Variants in AHRR observed in about 807,000 individuals in gnomAD.
AHRR encodes aryl hydrocarbon receptor repressor, also known as ahR repressor.
A neutral mutation model predicts 44.0 loss-of-function variants in AHRR; 28 were observed. The observed-to-expected ratio is 0.64, with a 90% confidence interval of 0.47 to 0.87. AHRR has a LOEUF of 0.87. Among genes scored for constraint, AHRR ranks in the 40% least tolerant of loss-of-function variants. The pLI is 0.00. For missense variants in AHRR, 990 were observed against 953.9 expected, an observed-to-expected ratio of 1.04 and a Z score of -0.50; for synonymous variants, 434 against 407.0, an observed-to-expected ratio of 1.07 and a Z score of -0.80.
chr5:403,544 G>GC (rs1735116858), intron 4 of AHRR, among the ~76,000 whole-genome samples: 1 of 151,310 alleles, frequency 6.6e-6, no homozygotes, highest in Non-Finnish European at 1.5e-5. Flanking sequence ...GCTGCAGCAG[G>GC]AGAACTGCTT....
chr5:354,801 G>T (rs758645343), intron 3 of AHRR, among the ~76,000 whole-genome samples: 1 of 152,210 alleles, frequency 6.6e-6, no homozygotes, highest in Non-Finnish European at 1.5e-5. Context: ...GGCGGGGGGC[G>T]TCTGTCTCAG....
chr5:434,979 T>C lies in AHRR; in HGVS notation c.*145T>C. On this transcript the variant is annotated 3_prime_UTR_variant, in exon 11 of 11. Transcript: ENST00000684583. ...TGCATGCGCAGTCTGCTAGTGTGTGTGTGCAGCATACGCAGGAGCCTATCC... is the reference window on the plus strand; with the variant it reads ...TGCATGCGCAGTCTGCTAGTGTGTGCGTGCAGCATACGCAGGAGCCTATCC... 1 of 1,190,540 alleles carries C rather than the reference T, an allele frequency of 8.4e-7. No individual in the cohort carries two copies. The highest frequency in any genetic ancestry group is 1.5e-5 in the African/African-American group (1 of 64,970). The allele number at this position is 1,190,540 out of a possible 1,614,324, so 73.7% of individuals were successfully genotyped here.
chr5:354,377 G>C (rs576280181), intron 3 of AHRR, among the ~76,000 whole-genome samples: 1 of 152,316 alleles, frequency 6.6e-6, no homozygotes, highest in Admixed American at 6.5e-5. Context: ...GGACCCGGGG[G>C]CTGCCCTGGG....
intron 7 of AHRR, among the ~76,000 whole-genome samples, chr5:424,390 T>TG (rs1213903459): frequency 1.1e-5 from 1 of 91,880 alleles, no homozygotes; most frequent in East Asian, 2.9e-4. Flanking sequence ...GTGTCCCTGG[T>TG]GGGGGGGCGA....
Position 431,052 on chromosome 5 carries a change from C to T in AHRR, c.909-1411C>T, listed in dbSNP as rs1199424596. 3.9e-5 allele frequency among the ~76,000 whole-genome samples: 6 copies of T among 152,336 alleles called. No homozygotes were observed. The South Asian group carries it at 6.2e-4, about 16-fold the overall frequency. Reference sequence around the variant, plus strand: ...AACACTGTCCTCCGCTTACCGTCACCGTGGAGTTTCCACTGCACATGGCAA... The same window carrying T: ...AACACTGTCCTCCGCTTACCGTCACTGTGGAGTTTCCACTGCACATGGCAA... On this transcript the variant is annotated intron_variant, in intron 8 of 10. Coordinates refer to ENST00000684583, the MANE Select transcript of AHRR (RefSeq NM_001377236.1).
At chr5:369,454 T>A (rs1743489458) in intron 3 of AHRR, among the ~76,000 whole-genome samples, 2 of 152,360 alleles carry the variant, frequency 1.3e-5, no homozygotes, top group South Asian at 4.1e-4. Context: ...CACATGCTCC[T>A]TGCAGATGAA....
At position 387,220 on chromosome 5, in the gene AHRR, G is replaced by A. The variant is rs137925973; in HGVS notation, c.351+10504G>A. Among the ~76,000 whole-genome samples the A allele has an allele frequency of 3.1e-4, 47 of 152,320 alleles. No homozygotes were observed. Among genetic ancestry groups the A allele is most frequent in the African/African-American group, 1.0e-3 (43 of 41,570 alleles). On this transcript the variant is annotated intron_variant, in intron 4 of 10. Transcript: ENST00000684583. The surrounding 1 kb of genome is among the most constrained non-coding windows in gnomAD (Gnocchi z 5.1). Reference sequence around the variant, plus strand: ...CACGTGTCAGTTCGTACACAGAAGCGGGGTCCTGTCTCCTGCTCTCTCCTC... The same window carrying A: ...CACGTGTCAGTTCGTACACAGAAGCAGGGTCCTGTCTCCTGCTCTCTCCTC...
intron 1 of AHRR, among the ~76,000 whole-genome samples, chr5:340,377 G>A (rs1233700856): frequency 6.6e-6 from 1 of 151,806 alleles, no homozygotes; most frequent in Non-Finnish European, 1.5e-5. Flanking sequence ...ACACTGTTCT[G>A]GAGGCTGGGA....
At chr5:345,926 G>A (rs567529752) in intron 2 of AHRR, among the ~76,000 whole-genome samples, 1 of 152,252 alleles carries the variant, frequency 6.6e-6, no homozygotes, top group South Asian at 2.1e-4. Context: ...CCCGCAGGGA[G>A]ACCTTACCTT....
intron 3 of AHRR, among the ~76,000 whole-genome samples, chr5:363,807 C>G (rs921959297): frequency 6.6e-6 from 1 of 152,154 alleles, no homozygotes; most frequent in Non-Finnish European, 1.5e-5. Flanking sequence ...GAGAGCACTG[C>G]CCCCCTCTCC....
At position 434,171 on chromosome 5, in the gene AHRR, C is replaced by T. The variant is rs1736878943; in HGVS notation, c.1431C>T (p.His477=). Residue 477 remains histidine, a synonymous_variant, in exon 11 of 11, where the codon CAC becomes CAT. Transcript: ENST00000684583. ...GGGATGTCGGTGAGGACCAGGTGCA[C>T]CCTCCCCTCTGCCACTTTCCCCAGA... ...PMRDVGEDQV[H]PPLCHFPQRS... 1.2e-6 allele frequency: 2 copies of T among 1,600,576 alleles called. No homozygotes were observed. Among genetic ancestry groups the T allele is most frequent in the African/African-American group, 1.3e-5 (1 of 74,720 alleles).
Position 413,445 on chromosome 5 carries a change from C to T in AHRR, c.441+12C>T. On this transcript the variant is annotated intron_variant, in intron 5 of 10. Transcript: ENST00000684583. ...TGGGCTTCCATCAGGTAAATGAAAC[C>T]AGAATAGCCCTCCAGTCTGTTAAGT... 2 of 1,579,182 alleles carry T rather than the reference C, an allele frequency of 1.3e-6. No individual in the cohort carries two copies. The highest frequency in any genetic ancestry group is 8.7e-7 in the Non-Finnish European group (1 of 1,152,240).
Position 404,833 on chromosome 5 carries a change from T to A in AHRR, c.352-8511T>A, listed in dbSNP as rs990417187. On this transcript the variant is annotated intron_variant, in intron 4 of 10. Coordinates refer to ENST00000684583, the MANE Select transcript of AHRR (RefSeq NM_001377236.1). The surrounding 1 kb of genome is among the most constrained non-coding windows in gnomAD (Gnocchi z 4.1). ...GGACATGGTGAGATGATTATCCAGC[T>A]TGCTAATCTGCCAGCGGGCACCACC... 1.3e-5 allele frequency among the ~76,000 whole-genome samples: 2 copies of A among 152,320 alleles called. No individual in the cohort carries two copies. The highest frequency in any genetic ancestry group is 4.1e-4 in the South Asian group (2 of 4,822).
At chr5:344,111 G>C in intron 2 of AHRR, 147 bp downstream of exon 2, 1 of 796,382 alleles carries the variant, frequency 1.3e-6, no homozygotes, top group African/African-American at 1.9e-5. Flanking sequence ...TCCGGCGCGG[G>C]CGGCGCAGGA....
At chr5:350,071 G>T (rs1742809309) in intron 2 of AHRR, among the ~76,000 whole-genome samples, 1 of 152,134 alleles carries the variant, frequency 6.6e-6, no homozygotes, top group Admixed American at 6.5e-5. Context: ...CCCCAGCTGT[G>T]CCCTTCTCTT....
intron 3 of AHRR, among the ~76,000 whole-genome samples, chr5:364,358 G>A (rs535334098): frequency 6.6e-6 from 1 of 152,278 alleles, no homozygotes; most frequent in African/African-American, 2.4e-5. Context: ...CAAACACCTT[G>A]TGTAAAATAA....
chr5:432,531 A>G lies in AHRR; in HGVS notation c.970+7A>G. 6.2e-7 allele frequency: 1 copy of G among 1,613,252 alleles called. No homozygotes were observed. Among genetic ancestry groups the G allele is most frequent in the Non-Finnish European group, 8.5e-7 (1 of 1,179,144 alleles). The stretch of plus-strand genomic sequence containing the variant: ...AAACCCAATTACTCAGCAGGTACTT[A>G]GAACATTTCTTATCTGATCTTTTCC... On this transcript the variant is annotated splice_region_variant and intron_variant, in intron 9 of 10. Transcript: ENST00000684583.
intron 4 of AHRR, among the ~76,000 whole-genome samples, chr5:378,466 T>C (rs905513119): frequency 1.3e-5 from 2 of 152,246 alleles, no homozygotes; most frequent in Non-Finnish European, 2.9e-5. Flanking sequence ...GCTTTAGTAA[T>C]GATCTAGAAA....
At chr5:413,676 G>T (rs1179000192) in intron 5 of AHRR, among the ~76,000 whole-genome samples, 1 of 152,212 alleles carries the variant, frequency 6.6e-6, no homozygotes, top group Non-Finnish European at 1.5e-5. Context: ...GGCAGCCGTG[G>T]CGTGCGGACG....
Sources: allele counts gnomAD v4.1 joint callset (sites outside exome capture counted in the v4.1 genomes callset), GRCh38; gene constraint gnomAD v4.1.1; non-coding constraint Gnocchi (gnomAD v3.1); transcripts MANE v1.5; gene names NCBI Gene and HGNC (gene_info 2026-07-23, HGNC 2026-07-21).